The following TRPC4 variants were observed in gnomAD, a reference collection of about 807,000 sequenced individuals.
TRPC4 encodes short transient receptor potential channel 4.
A neutral mutation model predicts 99.4 loss-of-function variants in TRPC4; 49 were observed. The ratio of observed to expected loss-of-function variants is 0.49; its 90% CI spans 0.39 to 0.63. The LOEUF (loss-of-function observed/expected upper bound fraction) is 0.63, where lower values mean the gene tolerates loss of function less well. Ranked by LOEUF, TRPC4 falls within the 20% of genes least tolerant of loss-of-function variation. The probability of loss-of-function intolerance (pLI) is 0.00; values close to 1 mark genes in which losing one functional copy is unlikely to be tolerated. For missense variants in TRPC4, 898 were observed against 1,152.9 expected (o/e 0.78, Z 3.20); for synonymous variants, 454 against 425.9 (o/e 1.07, Z -0.81).
At chr13:37,789,876 A>C (rs2139381858) in intron 1 of TRPC4, among the ~76,000 whole-genome samples, 1 of 152,264 alleles carries the variant, frequency 6.6e-6, no homozygotes. Context: ...TGATGTTTAC[A>C]GGGGAATATA....
At chr13:37,788,929 T>G (rs956093316) in intron 1 of TRPC4, among the ~76,000 whole-genome samples, 3 of 152,114 alleles carry the variant, frequency 2.0e-5, no homozygotes, top group Admixed American at 6.6e-5. Flanking sequence ...TGGGAAGATT[T>G]CAACGGCTCA....
intron 3 of TRPC4, among the ~76,000 whole-genome samples, chr13:37,694,221 G>A (rs1953833859): frequency 6.6e-6 from 1 of 152,000 alleles, no homozygotes; most frequent in Non-Finnish European, 1.5e-5. Flanking sequence ...GAAAAGTCTT[G>A]ATAAAAGAGA....
chr13:37,802,216 C>T (rs1339405965), intron 1 of TRPC4, among the ~76,000 whole-genome samples: 6 of 152,032 alleles, frequency 3.9e-5, no homozygotes, highest in Admixed American at 3.3e-4. Flanking sequence ...CTTACATAAA[C>T]ATGTTTCTTT....
chr13:37,667,482 T>C (rs1952684217), intron 5 of TRPC4, among the ~76,000 whole-genome samples: 1 of 152,126 alleles, frequency 6.6e-6, no homozygotes, highest in Non-Finnish European at 1.5e-5. Context: ...AATTTTTACA[T>C]TTTTAGTAGA....
chr13:37,808,467 G>A (rs1032047436), intron 1 of TRPC4, among the ~76,000 whole-genome samples: 1 of 152,030 alleles, frequency 6.6e-6, no homozygotes, highest in African/African-American at 2.4e-5. Context: ...ATGGAACTGT[G>A]ATGTACCACC....
chr13:37,850,585 T>C (rs1011736714), intron 1 of TRPC4, among the ~76,000 whole-genome samples: 1 of 152,138 alleles, frequency 6.6e-6, no homozygotes, highest in Non-Finnish European at 1.5e-5. Flanking sequence ...AAGAATATAA[T>C]TTTTTTCTTT....
intron 1 of TRPC4, among the ~76,000 whole-genome samples, chr13:37,827,762 G>GAGGC (rs1958281313): frequency 6.6e-6 from 1 of 152,232 alleles, no homozygotes; most frequent in Admixed American, 6.5e-5. Context: ...GGAGCCTACA[G>GAGGC]AGGCAGGCAG....
chr13:37,819,234 T>C (rs1370565216), intron 1 of TRPC4, among the ~76,000 whole-genome samples: 1 of 151,950 alleles, frequency 6.6e-6, no homozygotes, highest in African/African-American at 2.4e-5. Context: ...TTGGTTGGAG[T>C]GCAAATTAGT....
At chr13:37,837,771 G>A (rs574253231) in intron 1 of TRPC4, among the ~76,000 whole-genome samples, 1 of 152,138 alleles carries the variant, frequency 6.6e-6, no homozygotes, top group Non-Finnish European at 1.5e-5. Context: ...GGCATGATTG[G>A]TTTTGAAATG....
Position 37,745,457 on chromosome 13 carries a change from T to TACGCATATATATATATATATATATATGC in TRPC4, c.897+479_897+480insGCATATATATATATATATATATATGCGT, listed in dbSNP as rs1425593668. ...ATGCGTATATATATATATATATATA[T>TACGCATATATATATATATATATATATGC]ATATATATATATATATACACACACA... On this transcript the variant is annotated intron_variant, in intron 3 of 10. Coordinates refer to ENST00000379705, the MANE Select transcript of TRPC4 (RefSeq NM_016179.4). 1.4e-3 allele frequency among the ~76,000 whole-genome samples: 11 copies of TACGCATATATATATATATATATATATGC among 8,046 alleles called. No individual in the cohort carries two copies. The East Asian group carries it at 0.026, about 19-fold the overall frequency. 5.3% of individuals were successfully genotyped at this position (8,046 alleles called of 152,430 possible). A position where few individuals can be genotyped will look rare whatever the true frequency, so the allele number is the denominator to read the frequency against.
chr13:37,733,112 A>G (rs552120285), intron 3 of TRPC4, among the ~76,000 whole-genome samples: 9 of 152,212 alleles, frequency 5.9e-5, no homozygotes, highest in African/African-American at 2.2e-4. Context: ...GTCTTTACAA[A>G]AGATTCAAAA....
At position 37,635,384 on chromosome 13, in the gene TRPC4, C is replaced by T. The variant is rs1319209961; in HGVS notation, c.*1519G>A. The stretch of plus-strand genomic sequence containing the variant: ...GAAATGGGGATAAAAACAGGAGCTA[C>T]TTCAGAGGGCTGTAAAGAGCAGTAC... On this transcript the variant is annotated 3_prime_UTR_variant, in exon 11 of 11. Transcript: ENST00000379705. Among the ~76,000 whole-genome samples the T allele has an allele frequency of 6.6e-6, 1 of 152,008 alleles. No homozygotes were observed. Among genetic ancestry groups the T allele is most frequent in the Non-Finnish European group, 1.5e-5 (1 of 67,984 alleles).
chr13:37,796,931 A>AAATAAAAT (rs1957261732), intron 1 of TRPC4, among the ~76,000 whole-genome samples: 1 of 119,110 alleles, frequency 8.4e-6, no homozygotes, highest in Non-Finnish European at 1.8e-5. Flanking sequence ...CTCTCTACAA[A>AAATAAAAT]AATAAAATAA....
chr13:37,827,764 G>C (rs1310074503), intron 1 of TRPC4, among the ~76,000 whole-genome samples: 1 of 152,190 alleles, frequency 6.6e-6, no homozygotes, highest in East Asian at 1.9e-4. Context: ...AGCCTACAGA[G>C]GCAGGCAGGC....
intron 2 of TRPC4, among the ~76,000 whole-genome samples, chr13:37,761,770 T>C (rs548948296): frequency 2.6e-5 from 4 of 151,966 alleles, no homozygotes; most frequent in African/African-American, 9.6e-5. Context: ...ACCAGATTCA[T>C]TTGTTTCTCC....
chr13:37,698,277 C>G (rs183222074), intron 3 of TRPC4, among the ~76,000 whole-genome samples: 1 of 148,418 alleles, frequency 6.7e-6, no homozygotes, highest in African/African-American at 2.5e-5. Flanking sequence ...TCTCCTGTCT[C>G]AGCCTCCCGA....
intron 1 of TRPC4, among the ~76,000 whole-genome samples, chr13:37,799,573 T>G (rs1957347248): frequency 6.6e-6 from 1 of 152,196 alleles, no homozygotes; most frequent in South Asian, 2.1e-4. Flanking sequence ...TAACACTGAC[T>G]ATCTCAGAAT....
rs1951460502 is a variant in TRPC4 at position 37,634,458 on chromosome 13, T to C, written c.*2445A>G. On this transcript the variant is annotated 3_prime_UTR_variant, in exon 11 of 11. Transcript: ENST00000379705. ...TGGGGGTTGTTAGAATCATCCTTTC[T>C]AGGGCACTGAAAAGGAGGGTCTTAC... 6.6e-6 allele frequency among the ~76,000 whole-genome samples: 1 copy of C among 152,076 alleles called. No individual in the cohort carries two copies. The highest frequency in any genetic ancestry group is 1.5e-5 in the Non-Finnish European group (1 of 67,980).
intron 2 of TRPC4, among the ~76,000 whole-genome samples, chr13:37,772,919 G>A (rs185639046): frequency 3.6e-4 from 54 of 151,846 alleles, no homozygotes; most frequent in African/African-American, 1.3e-3. Flanking sequence ...TGAATGTGCT[G>A]TTCTCGCCTC....
Sources: gnomAD v4.1 joint callset for allele counts (sites outside exome capture counted in the v4.1 genomes callset) on GRCh38, gnomAD v4.1.1 for gene constraint, MANE v1.5 for transcripts, NCBI Gene and HGNC (gene_info 2026-07-23, HGNC 2026-07-21) for gene names.